COL21A1: variants seen among roughly 807,000 people sequenced by gnomAD.
COL21A1 encodes collagen type XXI alpha 1 chain.
COL21A1 carries 149 observed loss-of-function variants against 137.9 expected under a neutral mutation model. That is an observed-to-expected ratio of 1.08 (90% CI 0.95 to 1.24). The LOEUF is 1.24. Among genes scored for constraint, COL21A1 ranks in the 50% most tolerant of loss-of-function variants. The pLI, the probability that COL21A1 is intolerant of heterozygous loss-of-function variation, is 0.00. For missense variants in COL21A1, 1,167 were observed against 1,158.4 expected (o/e 1.01, Z -0.11); for synonymous variants, 456 against 391.5 (o/e 1.16, Z -1.95).
At chr6:56,152,606 T>C (rs964680407) in intron 10 of COL21A1, among the ~76,000 whole-genome samples, 1 of 152,068 alleles carries the variant, frequency 6.6e-6, no homozygotes, top group Non-Finnish European at 1.5e-5. Flanking sequence ...GTCAGAGTCA[T>C]AGAGTAATAT....
At chr6:56,267,033 T>C (rs1318543651) in intron 1 of COL21A1, among the ~76,000 whole-genome samples, 1 of 152,192 alleles carries the variant, frequency 6.6e-6, no homozygotes, top group African/African-American at 2.4e-5. Flanking sequence ...CCTCTTCAAC[T>C]CCTCTTCCAC....
At chr6:56,188,461 C>T (rs886213133) in intron 1 of COL21A1, among the ~76,000 whole-genome samples, 16 of 152,170 alleles carry the variant, frequency 1.1e-4, no homozygotes, top group Non-Finnish European at 2.1e-4. Flanking sequence ...GGCAGGGAAT[C>T]TCTGAAAATA....
At chr6:56,222,380 C>T (rs1304473710) in intron 1 of COL21A1, among the ~76,000 whole-genome samples, 1 of 152,098 alleles carries the variant, frequency 6.6e-6, no homozygotes, top group Non-Finnish European at 1.5e-5. Flanking sequence ...TTTTATTATA[C>T]TTTACTCACT....
At chr6:56,189,010 G>A (rs899933959) in intron 1 of COL21A1, among the ~76,000 whole-genome samples, 3 of 152,150 alleles carry the variant, frequency 2.0e-5, no homozygotes, top group African/African-American at 7.2e-5. Context: ...AAGATGGGGA[G>A]AAACCAGTGC....
chr6:56,235,573 C>A lies in COL21A1; in HGVS notation c.-39+11814G>T, dbSNP rs147077301. ...AGGCTGACATCAGGGGAATACTGTTCGTGATAGTTCAAAAATGAAAATGAA... is the reference window on the plus strand; with the variant it reads ...AGGCTGACATCAGGGGAATACTGTTAGTGATAGTTCAAAAATGAAAATGAA... On this transcript the variant is annotated intron_variant, in intron 1 of 29. Transcript: ENST00000244728. Among the ~76,000 whole-genome samples the A allele has an allele frequency of 3.3e-5, 5 of 151,898 alleles. No homozygotes were observed. In the East Asian group the frequency reaches 5.8e-4, roughly 18 times the overall value.
At chr6:56,248,283 T>C (rs752349865), upstream of COL21A1, among the ~76,000 whole-genome samples, 32 of 152,180 alleles carry the variant, frequency 2.1e-4, no homozygotes, top group Non-Finnish European at 2.9e-4. Flanking sequence ...GTTTGCCCTT[T>C]CTTATACACA....
intron 1 of COL21A1, among the ~76,000 whole-genome samples, chr6:56,365,382 ACTT>A (rs1002435412): frequency 2.6e-5 from 4 of 152,176 alleles, no homozygotes; most frequent in African/African-American, 9.6e-5. Flanking sequence ...GTACCTTTCA[ACTT>A]CTTCTTGATT....
chr6:56,364,856 C>A (rs1372720622), intron 1 of COL21A1, among the ~76,000 whole-genome samples: 3 of 151,640 alleles, frequency 2.0e-5, no homozygotes, highest in Non-Finnish European at 4.4e-5. Flanking sequence ...TATTGGGCAC[C>A]ATTTAAGGCT....
At chr6:56,199,546 T>A (rs915621601) in intron 1 of COL21A1, among the ~76,000 whole-genome samples, 1 of 152,126 alleles carries the variant, frequency 6.6e-6, no homozygotes, top group Non-Finnish European at 1.5e-5. Flanking sequence ...AACTTGGTAA[T>A]CTGTATCTTC....
intron 1 of COL21A1, among the ~76,000 whole-genome samples, chr6:56,345,357 G>A (rs1337792772): frequency 7.1e-6 from 1 of 140,572 alleles, no homozygotes; most frequent in Non-Finnish European, 1.6e-5. Context: ...CATTTGTTGA[G>A]GGTCTATCAT....
At chr6:56,287,111 T>A (rs1763931484) in intron 1 of COL21A1, among the ~76,000 whole-genome samples, 2 of 152,182 alleles carry the variant, frequency 1.3e-5, no homozygotes, top group South Asian at 2.1e-4. Flanking sequence ...TGATCAATCC[T>A]CTCATTGAGG....
At chr6:56,319,402 C>G (rs1005372912) in intron 1 of COL21A1, among the ~76,000 whole-genome samples, 3 of 152,066 alleles carry the variant, frequency 2.0e-5, no homozygotes, top group African/African-American at 7.2e-5. Context: ...CAGTGGTGTA[C>G]TCTCTGCTCA....
Position 56,131,621 on chromosome 6 carries a change from C to T in COL21A1, c.1543-5472G>A, listed in dbSNP as rs1773561099. Among the ~76,000 whole-genome samples, 5 of 152,046 alleles carry T rather than the reference C, an allele frequency of 3.3e-5. No individual in the cohort carries two copies. In the South Asian group the frequency reaches 8.3e-4, roughly 25 times the overall value. On this transcript the variant is annotated intron_variant, in intron 12 of 29. Transcript: ENST00000244728. ...TCCTGTCAAGCTGGACAGTGTGACG[C>T]ATGAAAAGTAAACAAAGAGTGTAGT... is the stretch of plus-strand genomic sequence containing the variant.
intron 24 of COL21A1, among the ~76,000 whole-genome samples, chr6:56,062,765 GA>G (rs774244688): frequency 6.0e-4 from 91 of 152,204 alleles, no homozygotes; most frequent in Non-Finnish European, 1.2e-3. Context: ...GGTCATACTT[GA>G]ATTTTGTTTC....
chr6:56,240,052 C>T (rs1206089954), intron 1 of COL21A1, among the ~76,000 whole-genome samples: 2 of 152,140 alleles, frequency 1.3e-5, no homozygotes, highest in East Asian at 3.9e-4. Flanking sequence ...GAAACCCCTT[C>T]CGCTTGGCTC....
At chr6:56,195,980 T>C (rs1778994801) in intron 1 of COL21A1, among the ~76,000 whole-genome samples, 1 of 152,124 alleles carries the variant, frequency 6.6e-6, no homozygotes, top group Non-Finnish European at 1.5e-5. Context: ...AATAACCTAC[T>C]AGTAAACTAA....
At chr6:56,117,898 C>CTT (rs1772080965) in intron 16 of COL21A1, among the ~76,000 whole-genome samples, 1 of 151,646 alleles carries the variant, frequency 6.6e-6, no homozygotes, top group African/African-American at 2.4e-5. Flanking sequence ...ATCATGGAAA[C>CTT]ACAGCATACC....
intron 1 of COL21A1, among the ~76,000 whole-genome samples, chr6:56,300,744 T>A (rs755032320): frequency 6.6e-6 from 1 of 152,140 alleles, no homozygotes; most frequent in Non-Finnish European, 1.5e-5. Context: ...GAGGGTACAA[T>A]TATTCAGTCT....
chr6:56,071,799 T>C (rs1026076612), intron 20 of COL21A1, among the ~76,000 whole-genome samples: 3 of 151,642 alleles, frequency 2.0e-5, no homozygotes, highest in African/African-American at 7.3e-5. Context: ...TATATTTTAA[T>C]ATTATTTAGA....
Sources: allele counts gnomAD v4.1 joint callset (sites outside exome capture counted in the v4.1 genomes callset), GRCh38; gene constraint gnomAD v4.1.1; transcripts MANE v1.5; gene names NCBI Gene and HGNC (gene_info 2026-07-23, HGNC 2026-07-21).